MICU2: variants seen among roughly 807,000 people sequenced by gnomAD.
MICU2 encodes mitochondrial calcium uptake 2.
MICU2 carries 64 observed loss-of-function variants against 60.4 expected under a neutral mutation model. That is an observed-to-expected ratio of 1.06 (90% CI 0.87 to 1.31). MICU2 has a LOEUF of 1.31. Ranked by LOEUF, MICU2 falls within the 50% of genes most tolerant of loss-of-function variation. The pLI, the probability that MICU2 is intolerant of heterozygous loss-of-function variation, is 0.00. For missense variants in MICU2, 569 were observed against 531.0 expected, an observed-to-expected ratio of 1.07 and a Z score of -0.70; for synonymous variants, 201 against 175.0, an observed-to-expected ratio of 1.15 and a Z score of -1.17.
chr13:21,599,398 T>A (rs9552458), intron 1 of MICU2, among the ~76,000 whole-genome samples: 35,527 of 152,184 alleles, frequency 0.23, 5,056 homozygotes, highest in East Asian at 0.65. Flanking sequence ...CTCCCTTCTA[T>A]GATTTCTGAT....
At position 21,599,215 on chromosome 13, in the gene MICU2, T is replaced by C. The variant is rs1026058758; in HGVS notation, c.210+4724A>G. Among the ~76,000 whole-genome samples the C allele has an allele frequency of 3.9e-5, 6 of 152,330 alleles. No homozygotes were observed. The East Asian group carries it at 1.2e-3, about 29-fold the overall frequency. ...GCCTTAACACTTTTATTATTTAAAT[T>C]CCTGCAGGAAAGAAGTACACTTATA... On this transcript the variant is annotated intron_variant, in intron 1 of 11. Transcript: ENST00000382374.
At position 21,495,255 on chromosome 13, in the gene MICU2, G is replaced by C. The variant is rs139691139; in HGVS notation, c.1106C>G (p.Thr369Ser). The C allele has an allele frequency of 2.9e-5, 47 of 1,613,242 alleles. No individual in the cohort carries two copies. Among genetic ancestry groups the C allele is most frequent in the Non-Finnish European group, 3.6e-5 (43 of 1,179,614 alleles). ...GQELSNNILD[T>S]VFKIFDLDGD... The stretch of plus-strand genomic sequence containing the variant: ...ATCCAAATCAAAGATCTTAAAGACA[G>C]TGTCCAAAATATTGTTTGAGAGTTC... The change falls in exon 11 of 12, where the codon ACT becomes AGT. Residue 369 changes from threonine to serine, a missense_variant. Physicochemically the swap from Thr to Ser is moderately conservative, Grantham distance 58 (BLOSUM62 1). Coordinates refer to ENST00000382374, the MANE Select transcript of MICU2 (RefSeq NM_152726.3).
Position 21,596,516 on chromosome 13 carries a change from G to T in MICU2, c.210+7423C>A, listed in dbSNP as rs1052454342. 4.6e-5 allele frequency among the ~76,000 whole-genome samples: 7 copies of T among 151,336 alleles called. No homozygotes were observed. In the South Asian group the frequency reaches 6.2e-4, roughly 14 times the overall value. ...CTGGCTCACTGCAACCTCCGCCTCC[G>T]GGGTTCAAGTGATTCTCCTGCCTCA... On this transcript the variant is annotated intron_variant, in intron 1 of 11. Coordinates refer to ENST00000382374, the MANE Select transcript of MICU2 (RefSeq NM_152726.3).
At chr13:21,598,365 T>C (rs962712446) in intron 1 of MICU2, among the ~76,000 whole-genome samples, 1 of 152,206 alleles carries the variant, frequency 6.6e-6, no homozygotes, top group Non-Finnish European at 1.5e-5. Context: ...GTATTTTACT[T>C]TGGCTTTGCT....
At chr13:21,500,115 G>A (rs945680323) in intron 9 of MICU2, among the ~76,000 whole-genome samples, 2 of 151,020 alleles carry the variant, frequency 1.3e-5, no homozygotes, top group Non-Finnish European at 2.9e-5. Context: ...ATGTGAATCT[G>A]CTGTGTGGGC....
chr13:21,521,213 T>C (rs199883704), intron 6 of MICU2, 32 bp downstream of exon 6: 3 of 1,479,042 alleles, frequency 2.0e-6, no homozygotes, highest in East Asian at 2.3e-5. Context: ...AGGTATTTTA[T>C]GATAAACCTA....
At chr13:21,522,555 G>C (rs749982085) in intron 5 of MICU2, 48 bp downstream of exon 5, 20 of 1,455,570 alleles carry the variant, frequency 1.4e-5, no homozygotes, top group Non-Finnish European at 1.9e-5. Flanking sequence ...TGTTTGGTAA[G>C]AACAGAGAAT....
chr13:21,501,613 C>T (rs188933403), intron 9 of MICU2, among the ~76,000 whole-genome samples: 200 of 152,276 alleles, frequency 1.3e-3, no homozygotes, highest in African/African-American at 4.6e-3. Flanking sequence ...TTGAAACCCA[C>T]GAGTATTCAC....
chr13:21,524,733 C>G (rs919222705), intron 4 of MICU2, among the ~76,000 whole-genome samples: 7 of 152,204 alleles, frequency 4.6e-5, no homozygotes, highest in African/African-American at 1.7e-4. Flanking sequence ...TCATGCTAAA[C>G]AGAAACACTG....
At chr13:21,538,948 T>C (rs573032924) in intron 4 of MICU2, among the ~76,000 whole-genome samples, 17 of 152,260 alleles carry the variant, frequency 1.1e-4, no homozygotes, top group African/African-American at 3.8e-4. Flanking sequence ...TCTTTAACAC[T>C]TTCTCTGCTT....
chr13:21,503,391 T>C (rs1385120884), intron 8 of MICU2, among the ~76,000 whole-genome samples: 1 of 152,234 alleles, frequency 6.6e-6, no homozygotes, highest in African/African-American at 2.4e-5. Flanking sequence ...ATATGTCAAA[T>C]GTTGCTTTGA....
At chr13:21,588,036 C>G (rs544485639) in intron 1 of MICU2, among the ~76,000 whole-genome samples, 11 of 151,984 alleles carry the variant, frequency 7.2e-5, no homozygotes, top group African/African-American at 2.4e-4. Flanking sequence ...CAATACAGAC[C>G]CCAGTGTCAA....
At chr13:21,511,863 G>GT (rs1886436397) in intron 7 of MICU2, among the ~76,000 whole-genome samples, 2 of 150,174 alleles carry the variant, frequency 1.3e-5, no homozygotes, top group East Asian at 3.9e-4. Flanking sequence ...TCAGGTTGTC[G>GT]TATCTTTTGC....
At chr13:21,555,314 T>C (rs928563541) in intron 2 of MICU2, among the ~76,000 whole-genome samples, 13 of 152,138 alleles carry the variant, frequency 8.5e-5, no homozygotes, top group African/African-American at 2.9e-4. Context: ...TCAAAAAGCT[T>C]ATCCACCATG....
At chr13:21,518,390 A>G (rs1018652427) in intron 6 of MICU2, among the ~76,000 whole-genome samples, 2 of 152,184 alleles carry the variant, frequency 1.3e-5, no homozygotes, top group African/African-American at 4.8e-5. Flanking sequence ...ATTTGGCCAC[A>G]TATCACTAAA....
At chr13:21,552,495 G>GT (rs1317103485) in intron 2 of MICU2, among the ~76,000 whole-genome samples, 1 of 152,176 alleles carries the variant, frequency 6.6e-6, no homozygotes, top group East Asian at 1.9e-4. Context: ...TAGACATGAA[G>GT]TCCTTGCCCA....
chr13:21,603,611 G>C (rs1353377831), intron 1 of MICU2: 7 of 383,814 alleles, frequency 1.8e-5, no homozygotes, highest in Non-Finnish European at 3.3e-5. Flanking sequence ...GTGAGATTCT[G>C]AATTAGGAGC....
At chr13:21,513,451 C>A (rs1191081897) in intron 7 of MICU2, among the ~76,000 whole-genome samples, 1 of 151,958 alleles carries the variant, frequency 6.6e-6, no homozygotes, top group African/African-American at 2.4e-5. Context: ...TTTAAAAAAA[C>A]TACGGGCTGG....
intron 4 of MICU2, among the ~76,000 whole-genome samples, chr13:21,533,965 C>CAGAT (rs1887069499): frequency 6.6e-6 from 1 of 151,398 alleles, no homozygotes; most frequent in Non-Finnish European, 1.5e-5. Context: ...TGTTTTTATT[C>CAGAT]AGATATCTGA....
Sources: gnomAD v4.1 joint callset for allele counts (sites outside exome capture counted in the v4.1 genomes callset) on GRCh38, gnomAD v4.1.1 for gene constraint, MANE v1.5 for transcripts, NCBI Gene and HGNC (gene_info 2026-07-23, HGNC 2026-07-21) for gene names.